Variants in GPR158 observed in about 807,000 individuals in gnomAD.
GPR158 encodes the protein metabotropic glycine receptor.
Under a neutral mutation model 78.2 loss-of-function variants are expected in GPR158, and 30 were observed. The ratio of observed to expected loss-of-function variants is 0.38; its 90% confidence interval spans 0.29 to 0.52. The LOEUF is 0.52. GPR158 is among the 20% of genes least tolerant of loss of function. The pLI is 0.83. For synonymous variants in GPR158, 581 were observed against 591.1 expected (o/e 0.98, Z 0.25); for missense variants, 1,463 against 1,523.5 (o/e 0.96, Z 0.66).
At chr10:25,585,561 G>T (rs1056447492) in intron 7 of GPR158, among the ~76,000 whole-genome samples, 12 of 152,238 alleles carry the variant, frequency 7.9e-5, no homozygotes, top group Non-Finnish European at 7.3e-5. Flanking sequence ...GAGGCTTTGT[G>T]ATAGAAATAG....
At chr10:25,365,075 T>A (rs1855698932) in intron 2 of GPR158, among the ~76,000 whole-genome samples, 1 of 151,758 alleles carries the variant, frequency 6.6e-6, no homozygotes, top group Non-Finnish European at 1.5e-5. Flanking sequence ...ATTTAAAATT[T>A]TTTCCTATTT....
At chr10:25,445,779 C>T (rs12782899) in intron 4 of GPR158, among the ~76,000 whole-genome samples, 11,348 of 151,956 alleles carry the variant, frequency 0.075, 1,017 homozygotes, top group African/African-American at 0.21. Flanking sequence ...GAGACAGACA[C>T]AGACAGACAG....
At chr10:25,267,340 A>G (rs201449687) in intron 2 of GPR158, among the ~76,000 whole-genome samples, 2 of 152,112 alleles carry the variant, frequency 1.3e-5, no homozygotes, top group South Asian at 4.1e-4. Flanking sequence ...TAGTGGCAGG[A>G]GAGAGAAGAA....
chr10:25,452,039 T>TTGGTC (rs1835226774), intron 4 of GPR158, among the ~76,000 whole-genome samples: 1 of 142,906 alleles, frequency 7.0e-6, no homozygotes, highest in South Asian at 2.3e-4. Context: ...TTGGTTTGGT[T>TTGGTC]TTTGTTTTTG....
chr10:25,294,518 T>C (rs569043268), intron 2 of GPR158, among the ~76,000 whole-genome samples: 43 of 152,182 alleles, frequency 2.8e-4, no homozygotes, highest in Non-Finnish European at 5.6e-4. Context: ...TCATTTCAGA[T>C]TTTCTTGAAA....
At chr10:25,285,351 G>T (rs1392191789) in intron 2 of GPR158, among the ~76,000 whole-genome samples, 1 of 152,046 alleles carries the variant, frequency 6.6e-6, no homozygotes, top group East Asian at 1.9e-4. Flanking sequence ...AGATTTAGTG[G>T]GGGGATTGGC....
chr10:25,382,385 A>G lies in GPR158; in HGVS notation c.1009-13526A>G, dbSNP rs563376457. On this transcript the variant is annotated intron_variant, in intron 2 of 10. Coordinates refer to ENST00000376351, the MANE Select transcript of GPR158 (RefSeq NM_020752.3). ...GCCCTGTTTTGTGAGAGCTGGCTCC[A>G]TCGAACATAAGAACATTTCAAAAAT... 5.3e-5 allele frequency among the ~76,000 whole-genome samples: 8 copies of G among 151,996 alleles called. No individual in the cohort carries two copies. In the East Asian group the frequency reaches 1.2e-3, roughly 22 times the overall value.
At chr10:25,304,006 A>G (rs1854633480) in intron 2 of GPR158, among the ~76,000 whole-genome samples, 1 of 152,202 alleles carries the variant, frequency 6.6e-6, no homozygotes, top group Admixed American at 6.5e-5. Flanking sequence ...TGGTGCCTAT[A>G]TATGAAGAGG....
intron 4 of GPR158, among the ~76,000 whole-genome samples, chr10:25,412,953 GAAT>G (rs1231700755): frequency 6.6e-6 from 1 of 152,142 alleles, no homozygotes; most frequent in African/African-American, 2.4e-5. Flanking sequence ...TAGTGTCCCA[GAAT>G]AATAACAATC....
intron 6 of GPR158, among the ~76,000 whole-genome samples, chr10:25,565,293 T>C (rs936456597): frequency 6.6e-6 from 1 of 152,214 alleles, no homozygotes; most frequent in African/African-American, 2.4e-5. Context: ...AAATACCAAC[T>C]GAATAATAGT....
chr10:25,559,697 C>T (rs1195906322), intron 6 of GPR158, among the ~76,000 whole-genome samples: 1 of 152,040 alleles, frequency 6.6e-6, no homozygotes, highest in Non-Finnish European at 1.5e-5. Context: ...ATTTTATGTA[C>T]AGAAAAAATA....
intron 5 of GPR158, among the ~76,000 whole-genome samples, chr10:25,541,739 C>G (rs1283094073): frequency 1.3e-5 from 2 of 151,714 alleles, no homozygotes; most frequent in Non-Finnish European, 2.9e-5. Flanking sequence ...CAAAGCAAAC[C>G]TGGAGAGGTT....
chr10:25,271,026 C>G (rs144595717), intron 2 of GPR158, among the ~76,000 whole-genome samples: 1 of 152,202 alleles, frequency 6.6e-6, no homozygotes, highest in African/African-American at 2.4e-5. Context: ...TATTCTTGCC[C>G]TAGTGACAAT....
At position 25,175,994 on chromosome 10, in the gene GPR158, C is replaced by G. The variant is rs1388926990; in HGVS notation, c.574C>G (p.Leu192Val). The G allele has an allele frequency of 4.3e-6, 7 of 1,613,062 alleles. No individual in the cohort carries two copies. The highest frequency in any genetic ancestry group is 1.3e-5 in the African/African-American group (1 of 74,924). The change falls in exon 1 of 11, where the codon CTC (leucine) becomes GTC (valine). Residue 192 changes from leucine (L) to valine (V), a missense_variant. By Grantham distance (32) the Leu-to-Val change is conservative (BLOSUM62 1). Transcript: ENST00000376351. The surrounding 1 kb of genome is among the most constrained non-coding windows in gnomAD (Gnocchi z 6.4). Reference sequence around the variant, plus strand: ...GTCCGCACCGGCCCCACAGGTCTTCCTCCAGGCCACGCGCGAGGAGAGCCG... The same window carrying G: ...GTCCGCACCGGCCCCACAGGTCTTCGTCCAGGCCACGCGCGAGGAGAGCCG... ...SLSAPAPQVF[L>V]QATREESRIL...
chr10:25,305,831 A>C (rs570887117), intron 2 of GPR158, among the ~76,000 whole-genome samples: 4 of 152,192 alleles, frequency 2.6e-5, no homozygotes, highest in Non-Finnish European at 5.9e-5. Flanking sequence ...CTAGAGGTAG[A>C]AGTAGAGGCA....
intron 8 of GPR158, among the ~76,000 whole-genome samples, chr10:25,589,653 G>T (rs186355495): frequency 2.0e-5 from 3 of 152,190 alleles, no homozygotes; most frequent in Admixed American, 1.3e-4. Context: ...ATGGGCTTTG[G>T]TGCTATCACA....
chr10:25,509,097 T>TG (rs1836050655), intron 5 of GPR158, among the ~76,000 whole-genome samples: 1 of 152,206 alleles, frequency 6.6e-6, no homozygotes, highest in Non-Finnish European at 1.5e-5. Flanking sequence ...GTCCTGTGCA[T>TG]GGTAGGATGT....
intron 5 of GPR158, among the ~76,000 whole-genome samples, chr10:25,510,582 G>A (rs1836071571): frequency 2.6e-5 from 4 of 151,852 alleles, no homozygotes; most frequent in Admixed American, 2.6e-4. Flanking sequence ...AGTTTTTTGG[G>A]GAACAGGTGG....
chr10:25,332,592 G>C (rs1460445949), intron 2 of GPR158, among the ~76,000 whole-genome samples: 1 of 152,106 alleles, frequency 6.6e-6, no homozygotes, highest in Non-Finnish European at 1.5e-5. Flanking sequence ...AGAGGCATTT[G>C]GGACACAGAG....
Sources: allele counts gnomAD v4.1 joint callset (sites outside exome capture counted in the v4.1 genomes callset), GRCh38; gene constraint gnomAD v4.1.1; non-coding constraint Gnocchi (gnomAD v3.1); transcripts MANE v1.5; gene names NCBI Gene and HGNC (gene_info 2026-07-23, HGNC 2026-07-21).